ALDH5A1: variants seen among roughly 807,000 people sequenced by gnomAD.
The protein encoded by ALDH5A1 is succinate-semialdehyde dehydrogenase, mitochondrial.
ALDH5A1 carries 33 observed loss-of-function variants against 54.7 expected under a neutral mutation model. The observed-to-expected ratio is 0.60, with a 90% CI of 0.46 to 0.81. The LOEUF (loss-of-function observed/expected upper bound fraction) is 0.81. Among genes scored for constraint, ALDH5A1 ranks in the 30% least tolerant of loss-of-function variants. The probability of loss-of-function intolerance (pLI) is 0.00; values close to 1 mark genes in which losing one functional copy is unlikely to be tolerated. For missense variants in ALDH5A1, 657 were observed against 711.0 expected (o/e 0.92, Z 0.86); for synonymous variants, 294 against 292.7 (o/e 1.00, Z -0.05).
intron 6 of ALDH5A1, 98 bp from the exon 7 acceptor site, chr6:24,522,669 G>T: frequency 7.0e-7 from 1 of 1,420,138 alleles, no homozygotes; most frequent in Non-Finnish European, 9.9e-7. Flanking sequence ...ACCACCGAGG[G>T]AAGTGTTTTC....
chr6:24,513,828 T>C (rs1462633010), intron 4 of ALDH5A1, among the ~76,000 whole-genome samples: 1 of 152,118 alleles, frequency 6.6e-6, no homozygotes, highest in Non-Finnish European at 1.5e-5. Flanking sequence ...CTGCTTCCTC[T>C]CACACAGGTG....
At chr6:24,521,213 C>CT (rs1456918873) in intron 6 of ALDH5A1, among the ~76,000 whole-genome samples, 23 of 152,246 alleles carry the variant, frequency 1.5e-4, no homozygotes, top group African/African-American at 3.9e-4. Flanking sequence ...GACCAGAGGC[C>CT]TGAGCTCATG....
chr6:24,518,703 T>A lies in ALDH5A1; in HGVS notation c.871-1698T>A, dbSNP rs143295033. 6.6e-6 allele frequency among the ~76,000 whole-genome samples: 1 copy of A among 152,370 alleles called. No individual in the cohort carries two copies. The highest frequency in any genetic ancestry group is 2.4e-5 in the African/African-American group (1 of 41,586). ...TTACTACCATTTGATTGCTGGAATA[T>A]TAACATACAGACACATACACAGTAC... On this transcript the variant is annotated intron_variant, in intron 5 of 9. Transcript: ENST00000357578. This position sits in a 1 kb window ranked among gnomAD's most constrained non-coding sequence, Gnocchi z 4.2.
At chr6:24,511,272 T>G (rs924220828) in intron 4 of ALDH5A1, among the ~76,000 whole-genome samples, 9 of 152,340 alleles carry the variant, frequency 5.9e-5, no homozygotes, top group African/African-American at 2.2e-4. Flanking sequence ...CGTCTGAACT[T>G]CAGGTAACCT....
chr6:24,504,996 C>T lies in ALDH5A1; in HGVS notation c.726+11C>T. ...CTGGCCCTGGCTGAGGTGAGCCGCT[C>T]TCCCTGTGTTTGTACAAAGCAGACA... is the stretch of plus-strand genomic sequence containing the variant. On this transcript the variant is annotated intron_variant, in intron 4 of 9. Coordinates refer to ENST00000357578, the MANE Select transcript of ALDH5A1 (RefSeq NM_001080.3). 1.2e-6 allele frequency: 2 copies of T among 1,611,916 alleles called. No individual in the cohort carries two copies. The highest frequency in any genetic ancestry group is 1.7e-6 in the Non-Finnish European group (2 of 1,177,986).
intron 4 of ALDH5A1, among the ~76,000 whole-genome samples, chr6:24,507,428 C>T (rs545614332): frequency 1.1e-4 from 17 of 151,534 alleles, no homozygotes; most frequent in African/African-American, 4.1e-4. Flanking sequence ...CCTTATAAGT[C>T]AACTTTTTTT....
rs571760509 is a variant in ALDH5A1 at position 24,534,302 on chromosome 6, C to T, written c.*590C>T. ...GCTTCTGTGAGGCACGAAGGAGCAC[C>T]TCTCCCTATTCCTGAACCATATTTT... On this transcript the variant is annotated 3_prime_UTR_variant, in exon 10 of 10. Transcript: ENST00000357578. 1.3e-5 allele frequency: 2 copies of T among 154,920 alleles called. No homozygotes were observed. The highest frequency in any genetic ancestry group is 4.0e-4 in the South Asian group (2 of 5,002). The allele number at this position is 154,920 out of a possible 1,614,324, so 9.6% of individuals were successfully genotyped here.
intron 1 of ALDH5A1, among the ~76,000 whole-genome samples, chr6:24,497,029 G>A (rs896794586): frequency 4.6e-5 from 7 of 152,108 alleles, no homozygotes; most frequent in Non-Finnish European, 2.9e-5. Context: ...TTGTGGCCTC[G>A]CTGACTTCAA....
intron 4 of ALDH5A1, among the ~76,000 whole-genome samples, chr6:24,507,682 G>T (rs1163444160): frequency 6.6e-6 from 1 of 151,952 alleles, no homozygotes; most frequent in Non-Finnish European, 1.5e-5. Context: ...TCCATGAGTT[G>T]AATCTTTTTT....
At chr6:24,505,441 C>A (rs1194100807) in intron 4 of ALDH5A1, among the ~76,000 whole-genome samples, 2 of 152,170 alleles carry the variant, frequency 1.3e-5, no homozygotes, top group Non-Finnish European at 2.9e-5. Context: ...CCCACCCCCC[C>A]AGTATGTCTC....
At chr6:24,513,218 CCCAG>C (rs1759494715) in intron 4 of ALDH5A1, among the ~76,000 whole-genome samples, 1 of 152,048 alleles carries the variant, frequency 6.6e-6, no homozygotes, top group African/African-American at 2.4e-5. Flanking sequence ...CACCACCATA[CCCAG>C]CTAATTTTGT....
Position 24,518,255 on chromosome 6 carries a change from G to A in ALDH5A1, c.871-2146G>A, listed in dbSNP as rs1433438331. On this transcript the variant is annotated intron_variant, in intron 5 of 9. Coordinates refer to ENST00000357578, the MANE Select transcript of ALDH5A1 (RefSeq NM_001080.3). The surrounding 1 kb of genome is among the most constrained non-coding windows in gnomAD (Gnocchi z 4.2). The stretch of plus-strand genomic sequence containing the variant: ...AGGTAGGCTGGGCCAATCACATGCT[G>A]TCTTTGGAAGCTGAGGCCCTGAGGA... 6.6e-6 allele frequency among the ~76,000 whole-genome samples: 1 copy of A among 152,230 alleles called. No individual in the cohort carries two copies. The highest frequency in any genetic ancestry group is 1.9e-4 in the East Asian group (1 of 5,204).
intron 4 of ALDH5A1, among the ~76,000 whole-genome samples, chr6:24,505,288 CT>C (rs374568422): frequency 1.3e-5 from 2 of 152,322 alleles, no homozygotes; most frequent in East Asian, 3.9e-4. Context: ...TAGGAAACTT[CT>C]TATTTCCCAT....
intron 3 of ALDH5A1, 43 bp downstream of exon 3, chr6:24,503,476 T>C (rs371243003): frequency 6.2e-7 from 1 of 1,601,162 alleles, no homozygotes; most frequent in South Asian, 1.1e-5. Context: ...GGAGATTGGA[T>C]AGGGAGTTGG....
rs559856291 is a variant in ALDH5A1, at chr6:24,508,560, A to T, written c.726+3575A>T. Among the ~76,000 whole-genome samples the T allele has an allele frequency of 5.9e-5, 9 of 152,032 alleles. No individual in the cohort carries two copies. In the East Asian group the frequency reaches 1.5e-3, roughly 26 times the overall value. Reference sequence around the variant, plus strand: ...TTTGTTCCATGCTTTTGCAATTGTGAATTGTGCTGCTATAAACGTGCATGT... The same window carrying T: ...TTTGTTCCATGCTTTTGCAATTGTGTATTGTGCTGCTATAAACGTGCATGT... On this transcript the variant is annotated intron_variant, in intron 4 of 9. Coordinates refer to ENST00000357578, the MANE Select transcript of ALDH5A1 (RefSeq NM_001080.3).
chr6:24,505,716 C>G (rs1272981827), intron 4 of ALDH5A1, among the ~76,000 whole-genome samples: 4 of 152,110 alleles, frequency 2.6e-5, no homozygotes, highest in Non-Finnish European at 5.9e-5. Flanking sequence ...CACTTGTAAT[C>G]TCAGAACTAT....
At chr6:24,508,932 C>G (rs919042474) in intron 4 of ALDH5A1, among the ~76,000 whole-genome samples, 7 of 152,006 alleles carry the variant, frequency 4.6e-5, no homozygotes, top group African/African-American at 1.7e-4. Flanking sequence ...TGAGAATTGT[C>G]TATTATGTTC....
chr6:24,506,971 C>T (rs1156651544), intron 4 of ALDH5A1, among the ~76,000 whole-genome samples: 1 of 152,160 alleles, frequency 6.6e-6, no homozygotes, highest in African/African-American at 2.4e-5. Context: ...AGGATCTGGT[C>T]CAGGATATCC....
chr6:24,497,311 G>T (rs1366734859), intron 1 of ALDH5A1, among the ~76,000 whole-genome samples: 2 of 149,818 alleles, frequency 1.3e-5, no homozygotes, highest in Non-Finnish European at 3.0e-5. Context: ...TTAGGATCCT[G>T]CTGATTGGTG....
Sources: allele counts gnomAD v4.1 joint callset (sites outside exome capture counted in the v4.1 genomes callset), GRCh38; gene constraint gnomAD v4.1.1; non-coding constraint Gnocchi (gnomAD v3.1); transcripts MANE v1.5; gene names NCBI Gene and HGNC (gene_info 2026-07-23, HGNC 2026-07-21).